LMX1B: variants seen among roughly 807,000 people sequenced by gnomAD.
The protein encoded by LMX1B is LIM homeobox transcription factor 1-beta.
Under a neutral mutation model 51.4 loss-of-function variants are expected in LMX1B, and 12 were observed. The observed-to-expected ratio is 0.23, with a 90% CI of 0.15 to 0.38. The LOEUF is 0.38. Ranked by LOEUF, LMX1B falls within the 10% of genes least tolerant of loss-of-function variation. The pLI is 1.00. For synonymous variants in LMX1B, 237 were observed against 235.4 expected (o/e 1.01, Z -0.06); for missense variants, 445 against 571.1 (o/e 0.78, Z 2.25).
chr9:126,643,608 G>A (rs1835846919), intron 2 of LMX1B, among the ~76,000 whole-genome samples: 4 of 152,136 alleles, frequency 2.6e-5, no homozygotes, highest in Admixed American at 2.6e-4. Flanking sequence ...TCCCAGCTGG[G>A]ACACTTTTGG....
chr9:126,645,159 C>T (rs1323246825), intron 2 of LMX1B, among the ~76,000 whole-genome samples: 1 of 152,224 alleles, frequency 6.6e-6, no homozygotes, highest in East Asian at 1.9e-4. Flanking sequence ...TGTGGAAGAC[C>T]ATCGCTCAGA....
chr9:126,614,688 GTT>G, intron 1 of LMX1B, 100 bp downstream of exon 1: 2 of 1,284,088 alleles, frequency 1.6e-6, no homozygotes, highest in Non-Finnish European at 2.1e-6. Context: ...AAGGAAATGG[GTT>G]TGCAGGACAT....
rs1253468906 is a variant in LMX1B at position 126,699,930 on chromosome 9, AG to A, written c.*3482del. On this transcript the variant is annotated 3_prime_UTR_variant, in exon 8 of 8. Coordinates refer to ENST00000373474, the MANE Select transcript of LMX1B (RefSeq NM_001174147.2). ...TCACTAAGGGGGCTGGAGTGGGAAG[AG>A]GGAGATAACTGTGTGGTCTCCAGAG... 6.6e-6 allele frequency: 1 copy of A among 152,306 alleles called. No individual in the cohort carries two copies. Among genetic ancestry groups the A allele is most frequent in the East Asian group, 1.9e-4 (1 of 5,196 alleles). 9.4% of individuals were successfully genotyped at this position (152,306 alleles called of 1,614,324 possible).
chr9:126,644,638 C>T (rs1351218258), intron 2 of LMX1B, among the ~76,000 whole-genome samples: 3 of 152,168 alleles, frequency 2.0e-5, no homozygotes, highest in Non-Finnish European at 4.4e-5. Flanking sequence ...AAACAGGGCT[C>T]GGGGAAGATA....
At chr9:126,640,012 C>T (rs1588274099) in intron 2 of LMX1B, among the ~76,000 whole-genome samples, 2 of 152,204 alleles carry the variant, frequency 1.3e-5, no homozygotes, top group African/African-American at 4.8e-5. Context: ...AATTTGATTT[C>T]TTTTTATAAT....
At chr9:126,692,088 G>A (rs535401255) in intron 3 of LMX1B, among the ~76,000 whole-genome samples, 2 of 152,302 alleles carry the variant, frequency 1.3e-5, no homozygotes, top group South Asian at 2.1e-4. Flanking sequence ...GGAGCCCTCC[G>A]GCAACAGGAT....
At chr9:126,638,786 GCGC>G (rs1252237840) in intron 2 of LMX1B, among the ~76,000 whole-genome samples, 2 of 152,172 alleles carry the variant, frequency 1.3e-5, no homozygotes, top group Non-Finnish European at 2.9e-5. Context: ...GGCGGCGCGG[GCGC>G]CCGATGTAAC....
chr9:126,695,716 TG>T lies in LMX1B; in HGVS notation c.887-121del. On this transcript the variant is annotated intron_variant, in intron 6 of 7. Coordinates refer to ENST00000373474, the MANE Select transcript of LMX1B (RefSeq NM_001174147.2). The surrounding 1 kb of genome is among the most constrained non-coding windows in gnomAD (Gnocchi z 5.2). ...GGGAAGGGGCTGGGGAGTCAGTGTCTGGACAGCTTCAGCCAGAGTGGGGTGC... is the reference window on the plus strand; with the variant it reads ...GGGAAGGGGCTGGGGAGTCAGTGTCTGACAGCTTCAGCCAGAGTGGGGTGC... 1 of 1,110,184 alleles carries T rather than the reference TG, an allele frequency of 9.0e-7. No homozygotes were observed. Among genetic ancestry groups the T allele is most frequent in the Non-Finnish European group, 1.3e-6 (1 of 754,592 alleles). 68.8% of individuals were successfully genotyped at this position (1,110,184 alleles called of 1,614,324 possible). A position where few individuals can be genotyped will look rare whatever the true frequency, so the allele number is the denominator to read the frequency against.
intron 2 of LMX1B, among the ~76,000 whole-genome samples, chr9:126,656,383 T>TTAGATATA (rs1836115417): frequency 7.0e-6 from 1 of 143,848 alleles, no homozygotes. Flanking sequence ...GATCTGGTCT[T>TTAGATATA]TAGATAGATA....
intron 2 of LMX1B, among the ~76,000 whole-genome samples, chr9:126,661,929 G>A (rs62578142): frequency 2.0e-5 from 3 of 152,200 alleles, no homozygotes; most frequent in Non-Finnish European, 4.4e-5. Flanking sequence ...GTGCTTCCAG[G>A]GAAATTACCT....
rs761573626 is a variant in LMX1B, at chr9:126,696,653, G to A, written c.*202G>A. The A allele has an allele frequency of 1.6e-6, 1 of 612,126 alleles. No homozygotes were observed. The highest frequency in any genetic ancestry group is 2.9e-6 in the Non-Finnish European group (1 of 347,926). 37.9% of individuals were successfully genotyped at this position (612,126 alleles called of 1,614,324 possible). On this transcript the variant is annotated 3_prime_UTR_variant, in exon 8 of 8. Transcript: ENST00000373474. ...GATGGGCACAGCCTGGGCAGGGGCT[G>A]TGTCCTGCCCACAGAGACCTTGTCA...
intron 2 of LMX1B, among the ~76,000 whole-genome samples, chr9:126,653,142 C>CTTTTT (rs5900715): frequency 1.8e-4 from 10 of 55,394 alleles, no homozygotes; most frequent in African/African-American, 3.6e-4. Flanking sequence ...CAAGTAGATG[C>CTTTTT]TTTTTTTTTT....
intron 2 of LMX1B, among the ~76,000 whole-genome samples, chr9:126,635,082 G>A (rs1279821471): frequency 6.6e-6 from 1 of 152,228 alleles, no homozygotes; most frequent in East Asian, 1.9e-4. Context: ...GATGGCCTGG[G>A]AGACAGGTGT....
chr9:126,690,224 A>G (rs1439820667), intron 2 of LMX1B, among the ~76,000 whole-genome samples: 2 of 152,176 alleles, frequency 1.3e-5, no homozygotes, highest in Non-Finnish European at 2.9e-5. Context: ...GCCATGGAAG[A>G]GTCTGGAGCA....
intron 2 of LMX1B, among the ~76,000 whole-genome samples, chr9:126,648,546 G>A (rs1482042826): frequency 6.6e-6 from 1 of 152,174 alleles, no homozygotes; most frequent in Admixed American, 6.5e-5. Context: ...TTTCTCATCC[G>A]TAAAATGGTG....
At chr9:126,669,833 G>A (rs1401178627) in intron 2 of LMX1B, among the ~76,000 whole-genome samples, 2 of 152,148 alleles carry the variant, frequency 1.3e-5, no homozygotes, top group Non-Finnish European at 2.9e-5. Context: ...CAGGATCTGG[G>A]CAGTCCGCTC....
Position 126,625,271 on chromosome 9 carries a change from C to A in LMX1B, c.326+9702C>A, listed in dbSNP as rs1033293537. 1.3e-5 allele frequency among the ~76,000 whole-genome samples: 2 copies of A among 151,976 alleles called. No homozygotes were observed. Among genetic ancestry groups the A allele is most frequent in the Admixed American group, 6.6e-5 (1 of 15,258 alleles). ...AGGAGCCGGAGCGTTGCCGTGGGGGCGGGGGAAGGGGTGGTTTTGCGGGTG... is the reference window on the plus strand; with the variant it reads ...AGGAGCCGGAGCGTTGCCGTGGGGGAGGGGGAAGGGGTGGTTTTGCGGGTG... On this transcript the variant is annotated intron_variant, in intron 2 of 7. Coordinates refer to ENST00000373474, the MANE Select transcript of LMX1B (RefSeq NM_001174147.2). The surrounding 1 kb of genome is among the most constrained non-coding windows in gnomAD (Gnocchi z 5.3).
chr9:126,656,287 C>T (rs1341618033), intron 2 of LMX1B, among the ~76,000 whole-genome samples: 1 of 152,208 alleles, frequency 6.6e-6, no homozygotes, highest in Non-Finnish European at 1.5e-5. Context: ...CAGTAGCTCA[C>T]ACCTGTAATC....
chr9:126,645,131 C>T (rs1835876722), intron 2 of LMX1B, among the ~76,000 whole-genome samples: 3 of 152,210 alleles, frequency 2.0e-5, no homozygotes, highest in Admixed American at 2.0e-4. Context: ...CACCCACCAC[C>T]GCCCCACTGG....
Sources: allele counts gnomAD v4.1 joint callset (sites outside exome capture counted in the v4.1 genomes callset), GRCh38; gene constraint gnomAD v4.1.1; non-coding constraint Gnocchi (gnomAD v3.1); transcripts MANE v1.5; gene names NCBI Gene and HGNC (gene_info 2026-07-23, HGNC 2026-07-21).